The following ELOVL4 variants were observed in gnomAD, a reference collection of about 807,000 sequenced individuals.
ELOVL4 encodes very long chain fatty acid elongase 4.
In ELOVL4, 18 loss-of-function variants were observed where a neutral mutation model predicts 42.1. The observed-to-expected ratio is 0.43, with a 90% confidence interval of 0.30 to 0.63. The LOEUF is 0.63. ELOVL4 is among the 30% of genes least tolerant of loss of function. ELOVL4 has a pLI of 0.15. For synonymous variants in ELOVL4, 117 were observed against 127.0 expected (o/e 0.92, Z 0.53); for missense variants, 299 against 376.2 (o/e 0.79, Z 1.70).
In ELOVL4 at chr6:79,925,514, G is replaced by T. The variant is rs80342442; in HGVS notation, c.289-482C>A. On this transcript the variant is annotated intron_variant, in intron 2 of 5. Transcript: ENST00000369816. ...TTTATTTTCCTAGCATTACTAGTCA[G>T]TTCTCTGGCTTCATACAGAATTTTA... Among the ~76,000 whole-genome samples the T allele has an allele frequency of 1.1e-3, 168 of 152,248 alleles. 4 individuals are homozygous for T. In the East Asian group the frequency reaches 0.028, roughly 26 times the overall value.
chr6:79,923,864 A>T (rs1020239066), intron 3 of ELOVL4, among the ~76,000 whole-genome samples: 5 of 152,170 alleles, frequency 3.3e-5, no homozygotes, highest in African/African-American at 1.2e-4. Context: ...CGTACATAAA[A>T]TTGTTAAGTA....
chr6:79,928,613 T>C (rs182491960), intron 1 of ELOVL4, among the ~76,000 whole-genome samples: 4 of 148,410 alleles, frequency 2.7e-5, no homozygotes, highest in Admixed American at 6.8e-5. Flanking sequence ...GATCTTACAA[T>C]ATGAAACACT....
At chr6:79,929,264 A>G (rs1251126388) in intron 1 of ELOVL4, among the ~76,000 whole-genome samples, 2 of 151,864 alleles carry the variant, frequency 1.3e-5, no homozygotes, top group Non-Finnish European at 2.9e-5. Context: ...TTTTTGAGAC[A>G]GAGTCTCGTT....
intron 1 of ELOVL4, among the ~76,000 whole-genome samples, chr6:79,926,952 T>C (rs1053940835): frequency 6.6e-6 from 1 of 152,212 alleles, no homozygotes; most frequent in Non-Finnish European, 1.5e-5. Context: ...AGTCACCATA[T>C]TCAAGACATT....
At position 79,947,312 on chromosome 6, in the gene ELOVL4, A is replaced by G; in HGVS notation, c.-33T>C. ...ATGAGCGGGCGCTGGCGGCAGGAGA[A>G]AGCGGAGACCCAGAGAGAGGGCTGA... On this transcript the variant is annotated 5_prime_UTR_variant, in exon 1 of 6. Transcript: ENST00000369816. 6.4e-7 allele frequency: 1 copy of G among 1,555,448 alleles called. No individual in the cohort carries two copies. The highest frequency in any genetic ancestry group is 8.8e-7 in the Non-Finnish European group (1 of 1,133,562).
intron 1 of ELOVL4, among the ~76,000 whole-genome samples, chr6:79,932,477 G>A (rs1774464372): frequency 6.6e-6 from 1 of 151,812 alleles, no homozygotes; most frequent in African/African-American, 2.4e-5. Flanking sequence ...TCCGGGAGGT[G>A]GAGGTTGGAG....
intron 5 of ELOVL4, among the ~76,000 whole-genome samples, chr6:79,919,062 TAAGAAA>T (rs753076873): frequency 2.3e-4 from 35 of 152,192 alleles, no homozygotes; most frequent in Admixed American, 5.2e-4. Context: ...AATTTTAAGT[TAAGAAA>T]ATCACCTGTA....
At chr6:79,917,173 G>C (rs1049253241) in intron 5 of ELOVL4, among the ~76,000 whole-genome samples, 1 of 152,024 alleles carries the variant, frequency 6.6e-6, no homozygotes, top group Non-Finnish European at 1.5e-5. Context: ...ATTGTCTTCT[G>C]TATTTGTTAT....
At chr6:79,936,651 C>T (rs1774549045) in intron 1 of ELOVL4, among the ~76,000 whole-genome samples, 1 of 152,172 alleles carries the variant, frequency 6.6e-6, no homozygotes, top group African/African-American at 2.4e-5. Flanking sequence ...TTGGAAAGAG[C>T]TTATTTCTAA....
intron 1 of ELOVL4, among the ~76,000 whole-genome samples, chr6:79,944,368 A>G (rs1224347162): frequency 6.6e-6 from 1 of 152,240 alleles, no homozygotes; most frequent in African/African-American, 2.4e-5. Context: ...AACAACTAGT[A>G]TAAAGTCCTA....
intron 1 of ELOVL4, among the ~76,000 whole-genome samples, chr6:79,943,098 G>A (rs1039298592): frequency 3.3e-5 from 5 of 151,944 alleles, no homozygotes; most frequent in Non-Finnish European, 7.4e-5. Flanking sequence ...GCATTACCAG[G>A]CTTAGCCAAA....
intron 1 of ELOVL4, 92 bp downstream of exon 1, chr6:79,947,088 G>T: frequency 9.6e-7 from 1 of 1,045,830 alleles, no homozygotes; most frequent in South Asian, 1.3e-5. Context: ...AGGGCGCGGG[G>T]GCCTGTGGGG....
At chr6:79,938,004 C>T (rs1318259394) in intron 1 of ELOVL4, among the ~76,000 whole-genome samples, 1 of 152,200 alleles carries the variant, frequency 6.6e-6, no homozygotes, top group Non-Finnish European at 1.5e-5. Context: ...GCTGGGATTA[C>T]AGGCGTGAGC....
intron 2 of ELOVL4, among the ~76,000 whole-genome samples, chr6:79,925,528 T>A (rs1189948346): frequency 6.6e-6 from 1 of 152,214 alleles, no homozygotes; most frequent in Non-Finnish European, 1.5e-5. Context: ...TCTGGCTTCA[T>A]ACAGAATTTT....
At chr6:79,933,291 C>T (rs1045176696) in intron 1 of ELOVL4, among the ~76,000 whole-genome samples, 3 of 152,166 alleles carry the variant, frequency 2.0e-5, no homozygotes, top group Admixed American at 2.0e-4. Context: ...AATGCAGTGG[C>T]ATGATCTCAG....
chr6:79,946,094 A>T (rs1774735513), intron 1 of ELOVL4, among the ~76,000 whole-genome samples: 1 of 152,196 alleles, frequency 6.6e-6, no homozygotes, highest in Non-Finnish European at 1.5e-5. Context: ...ACAGGAGTAC[A>T]TTTTCATTTC....
At chr6:79,919,193 G>A (rs2127697993) in intron 5 of ELOVL4, among the ~76,000 whole-genome samples, 1 of 152,146 alleles carries the variant, frequency 6.6e-6, no homozygotes, top group South Asian at 2.1e-4. Flanking sequence ...GAGGAGTAAG[G>A]GCTATGTCTA....
chr6:79,933,653 T>C (rs1177976810), intron 1 of ELOVL4, among the ~76,000 whole-genome samples: 1 of 152,136 alleles, frequency 6.6e-6, no homozygotes, highest in Non-Finnish European at 1.5e-5. Flanking sequence ...ACCACTAGAC[T>C]ACCCATGTAA....
chr6:79,939,912 T>C (rs932729591), intron 1 of ELOVL4, among the ~76,000 whole-genome samples: 2 of 152,220 alleles, frequency 1.3e-5, no homozygotes, highest in African/African-American at 4.8e-5. Flanking sequence ...TTCATCTATG[T>C]TGTAGCACAT....
Sources: allele counts gnomAD v4.1 joint callset (sites outside exome capture counted in the v4.1 genomes callset), GRCh38; gene constraint gnomAD v4.1.1; transcripts MANE v1.5; gene names NCBI Gene and HGNC (gene_info 2026-07-23, HGNC 2026-07-21).